Variants in RPL15 observed in about 807,000 individuals in gnomAD.
RPL15 encodes the protein large ribosomal subunit protein eL15.
For missense variants in RPL15, 161 were observed against 271.8 expected (o/e 0.59, Z 2.87); for synonymous variants, 97 against 95.1 (o/e 1.02, Z -0.12).
At chr3:23,921,484 A>G (rs866961030), downstream of RPL15, 1 of 651,836 alleles carries the variant, frequency 1.5e-6, no homozygotes, top group Non-Finnish European at 2.7e-6. Context: ...TTTATTAGCT[A>G]TACCCTGACC....
Position 23,920,500 on chromosome 3 carries a change from T to C in RPL15, c.*999T>C, listed in dbSNP as rs1705017466. The C allele has an allele frequency of 3.0e-6, 3 of 985,170 alleles. No individual in the cohort carries two copies. The highest frequency in any genetic ancestry group is 3.6e-6 in the Non-Finnish European group (3 of 829,794). 61.0% of individuals were successfully genotyped at this position (985,170 alleles called of 1,614,324 possible). A position where few individuals can be genotyped will look rare whatever the true frequency, so the allele number is the denominator to read the frequency against. On this transcript the variant is annotated 3_prime_UTR_variant, in exon 4 of 4. Coordinates refer to ENST00000307839, the MANE Select transcript of RPL15 (RefSeq NM_002948.5). ...TGTGCACCCACTTTGACTATGAGTA[T>C]ACCACCACATTGCATTTCTGTTTGC...
rs1228050782 is a variant in RPL15, at chr3:23,919,264, A to G, written c.378A>G (p.Thr126=). ...CTTACTGGGTTGGTGAAGATTCCAC[A>G]TACAAATTTTTTGAGGTTATCCTCA... The part of the protein sequence containing the change: ...LNSYWVGEDS[T]YKFFEVILID... The change falls in exon 4 of 4, where the codon ACA becomes ACG. Residue 126 remains threonine, a synonymous_variant. Coordinates refer to ENST00000307839, the MANE Select transcript of RPL15 (RefSeq NM_002948.5). 3 of 1,612,694 alleles carry G rather than the reference A, an allele frequency of 1.9e-6. No homozygotes were observed. Among genetic ancestry groups the G allele is most frequent in the African/African-American group, 1.3e-5 (1 of 74,914 alleles).
At chr3:23,923,243 G>A (rs991325881), downstream of RPL15, 2 of 99,584 alleles carry the variant, frequency 2.0e-5, no homozygotes, top group Admixed American at 1.2e-4. Flanking sequence ...TTTTTGAGAT[G>A]TAGTTTTGCT....
downstream of RPL15, chr3:23,921,705 G>A: frequency 4.7e-6 from 3 of 643,248 alleles, no homozygotes; most frequent in South Asian, 3.4e-5. Flanking sequence ...CTCCCAAATA[G>A]CCAGGACTAC....
chr3:23,916,549 G>A (rs954110484), upstream of RPL15: 5 of 152,290 alleles, frequency 3.3e-5, no homozygotes, highest in South Asian at 2.1e-4. Flanking sequence ...GCCTGCTGGA[G>A]GAGCTTCACG....
Position 23,918,487 on chromosome 3 carries a change from C to G in RPL15, c.220C>G (p.Pro74Ala). Residue 74 changes from proline (P) to alanine (A), a missense_variant, in exon 3 of 4, where the codon CCA becomes GCA. By Grantham distance (27) the Pro-to-Ala change is conservative. Coordinates refer to ENST00000307839, the MANE Select transcript of RPL15 (RefSeq NM_002948.5). The part of the protein sequence containing the change: ...IRVRRGGRKR[P>A]VPKGATYGKP... ...TGTTCGCCGTGGTGGCCGAAAACGC[C>G]CAGTTCCTAAGGGTGCAACTTACGG... is the stretch of plus-strand genomic sequence containing the variant. 1 of 1,613,608 alleles carries G rather than the reference C, an allele frequency of 6.2e-7. No individual in the cohort carries two copies. Among genetic ancestry groups the G allele is most frequent in the Non-Finnish European group, 8.5e-7 (1 of 1,179,828 alleles).
At position 23,918,615 on chromosome 3, in the gene RPL15, T is replaced by C. The variant is rs554939025; in HGVS notation, c.309+39T>C. The C allele has an allele frequency of 2.5e-6, 4 of 1,597,480 alleles. No homozygotes were observed. The South Asian group carries it at 4.5e-5, about 18-fold the overall frequency. ...AGTAGCAGTTATATTGAATACTGCC[T>C]GGGGATGGTGGGAGAGAGAGATTAA... On this transcript the variant is annotated intron_variant, in intron 3 of 3. Transcript: ENST00000307839.
At chr3:23,921,313 A>G (rs1028605789), downstream of RPL15, among the ~76,000 whole-genome samples, 6 of 152,198 alleles carry the variant, frequency 3.9e-5, no homozygotes, top group Non-Finnish European at 5.9e-5. Flanking sequence ...AAAAAAATCA[A>G]AAGTCCTCAT....
chr3:23,918,755 C>CGT, intron 3 of RPL15, 179 bp downstream of exon 3: 1 of 729,616 alleles, frequency 1.4e-6, no homozygotes, highest in Non-Finnish European at 2.2e-6. Flanking sequence ...GTTACAAATG[C>CGT]GTGTGTATAT....
chr3:23,919,522 T>C lies in RPL15; in HGVS notation c.*21T>C. 2.0e-6 allele frequency: 3 copies of C among 1,535,714 alleles called. No individual in the cohort carries two copies. Among genetic ancestry groups the C allele is most frequent in the Non-Finnish European group, 2.6e-6 (3 of 1,145,576 alleles). ...GCTAATATAAGTAAAGTTTGTAAAA[T>C]TCATACTTAATAAACAATTTAGGAC... On this transcript the variant is annotated 3_prime_UTR_variant, in exon 4 of 4. Transcript: ENST00000307839.
intron 1 of RPL15, 46 bp from the exon 2 acceptor site, chr3:23,917,804 T>A (rs1033841668): frequency 1.5e-5 from 23 of 1,530,438 alleles, no homozygotes. Flanking sequence ...AGTCGTCTTA[T>A]TGTACTTAAA....
At chr3:23,923,103 C>G (rs762116767), downstream of RPL15, 1 of 152,034 alleles carries the variant, frequency 6.6e-6, no homozygotes, top group South Asian at 2.1e-4. Context: ...GGTGCCTGGC[C>G]TACATATGTA....
Position 23,920,620 on chromosome 3 carries a change from CTT to C in RPL15, c.*1121_*1122del, listed in dbSNP as rs1705025711. ...GGAATTGCCCAATTTTAAATTCTGACTTTGCTGACTTAATTTAAATGCTCGTT... is the reference window on the plus strand; with the variant it reads ...GGAATTGCCCAATTTTAAATTCTGACTGCTGACTTAATTTAAATGCTCGTT... On this transcript the variant is annotated 3_prime_UTR_variant, in exon 4 of 4. Transcript: ENST00000307839. 1.0e-5 allele frequency: 10 copies of C among 984,978 alleles called. No individual in the cohort carries two copies. The highest frequency in any genetic ancestry group is 1.7e-5 in the African/African-American group (1 of 57,358). 61.0% of individuals were successfully genotyped at this position (984,978 alleles called of 1,614,324 possible).
Position 23,920,537 on chromosome 3 carries a change from CAGG to C in RPL15, c.*1039_*1041del. 1 of 985,314 alleles carries C rather than the reference CAGG, an allele frequency of 1.0e-6. No homozygotes were observed. Among genetic ancestry groups the C allele is most frequent in the African/African-American group, 1.7e-5 (1 of 57,338 alleles). 61.0% of individuals were successfully genotyped at this position (985,314 alleles called of 1,614,324 possible). On this transcript the variant is annotated 3_prime_UTR_variant, in exon 4 of 4. Transcript: ENST00000307839. ...GCATTTCTGTTTGCACCATGTCTTC[CAGG>C]AGACTAGACTACTGTTGTCCAGGGT...
At chr3:23,922,028 A>C, downstream of RPL15, 1 of 161,968 alleles carries the variant, frequency 6.2e-6, no homozygotes, top group Non-Finnish European at 1.3e-5. The surrounding 1 kb of genome is among the most constrained non-coding windows in gnomAD (Gnocchi z 4.2). Flanking sequence ...AGTAATAACA[A>C]CAATTGGCTG....
chr3:23,924,004 G>A (rs1423727854), downstream of RPL15: 4 of 152,146 alleles, frequency 2.6e-5, no homozygotes, highest in Admixed American at 2.6e-4. Flanking sequence ...ATGCATTTAG[G>A]TTGGGGTCAT....
chr3:23,918,561 T>G lies in RPL15; in HGVS notation c.294T>G (p.Leu98=), dbSNP rs770047384. Reference sequence around the variant, plus strand: ...ACCAGCTAAAGTTTGCTCGAAGCCTTCAGTCCGTTGCAGAGGTAAATGGTT... The same window carrying G: ...ACCAGCTAAAGTTTGCTCGAAGCCTGCAGTCCGTTGCAGAGGTAAATGGTT... ...GVNQLKFARS[L]QSVAEERAGR... The change falls in exon 3 of 4, where the codon CTT becomes CTG. Residue 98 remains leucine (L), a synonymous_variant. Coordinates refer to ENST00000307839, the MANE Select transcript of RPL15 (RefSeq NM_002948.5). 9.3e-6 allele frequency: 15 copies of G among 1,613,858 alleles called. No individual in the cohort carries two copies. Among genetic ancestry groups the G allele is most frequent in the Middle Eastern group, 1.6e-4 (1 of 6,082 alleles).
downstream of RPL15, chr3:23,922,266 AC>A (rs1467535920): frequency 6.6e-6 from 1 of 152,262 alleles, no homozygotes; most frequent in Admixed American, 6.5e-5. This position sits in a 1 kb window ranked among gnomAD's most constrained non-coding sequence, Gnocchi z 4.2. Context: ...TTGGTTTCTT[AC>A]AATCCCAAAA....
chr3:23,918,262 C>G (rs1575119294), intron 2 of RPL15, 178 bp from the exon 3 acceptor site: 1 of 905,318 alleles, frequency 1.1e-6, no homozygotes, highest in Non-Finnish European at 1.7e-6. Context: ...CAGTGTGCCT[C>G]CCTGTGTGAG....
Sources: allele counts gnomAD v4.1 joint callset (sites outside exome capture counted in the v4.1 genomes callset), GRCh38; gene constraint gnomAD v4.1.1; non-coding constraint Gnocchi (gnomAD v3.1); transcripts MANE v1.5; gene names NCBI Gene and HGNC (gene_info 2026-07-23, HGNC 2026-07-21).